OR51B6: variants seen among roughly 807,000 people sequenced by gnomAD.
The protein encoded by OR51B6 is olfactory receptor 51B6.
For missense variants in OR51B6, 502 were observed against 382.2 expected (o/e 1.31, Z -2.61); for synonymous variants, 154 against 137.3 (o/e 1.12, Z -0.85).
Position 5,351,797 on chromosome 11 carries a change from C to G in OR51B6, c.290C>G (p.Ser97Cys). The change falls in exon 1 of 1, where the codon TCT (serine) becomes TGT (cysteine). Residue 97 changes from serine to cysteine, a missense_variant. By Grantham distance (112) the Ser-to-Cys change is moderately radical. Coordinates refer to ENST00000380219, the MANE Select transcript of OR51B6 (RefSeq NM_001004750.1). ...GAGATTGGCCATGGAGCCTGCTTCT[C>G]TCAGGCCTATTTTATCCATACTCTT... is the stretch of plus-strand genomic sequence containing the variant. ...HREIGHGACF[S>C]QAYFIHTLSV... is the part of the protein sequence containing the mutation. The G allele has an allele frequency of 6.2e-7, 1 of 1,614,092 alleles. No individual in the cohort carries two copies. The highest frequency in any genetic ancestry group is 2.2e-5 in the East Asian group (1 of 44,886).
Position 5,351,595 on chromosome 11 carries a change from T to C in OR51B6, c.88T>C (p.Leu30=), listed in dbSNP as rs760483480. The C allele has an allele frequency of 6.2e-7, 1 of 1,614,162 alleles. No homozygotes were observed. Among genetic ancestry groups the C allele is most frequent in the Admixed American group, 1.7e-5 (1 of 60,002 alleles). Residue 30 remains leucine (L), a synonymous_variant, in exon 1 of 1, where the codon TTG becomes CTG. Coordinates refer to ENST00000380219, the MANE Select transcript of OR51B6 (RefSeq NM_001004750.1). ...ACATCACTGGATATTCATCCCATTA[T>C]TGGCAGCCTACATCTCCATACTTCT... ...KAHHWIFIPL[L]AAYISILLGN... is the part of the protein sequence containing the mutation.
At position 5,351,686 on chromosome 11, in the gene OR51B6, TCTTAG is replaced by T. The variant is rs1849090300; in HGVS notation, c.182_186del (p.Leu61TyrfsTer57). ...AACCTCCATGAGCCCATGTACTATT[TCTTAG>T]CTATGTTGGCAGCTACAGACCTCGG... On this transcript the variant is annotated frameshift_variant, in exon 1 of 1. Transcript: ENST00000380219. LOFTEE classifies it low-confidence loss of function (END_TRUNC). The T allele has an allele frequency of 1.2e-6, 2 of 1,614,114 alleles. No homozygotes were observed. The highest frequency in any genetic ancestry group is 8.5e-7 in the Non-Finnish European group (1 of 1,180,016).
Position 5,351,967 on chromosome 11 carries a change from A to C in OR51B6, c.460A>C (p.Ile154Leu), listed in dbSNP as rs138260730. 4 of 1,613,084 alleles carry C rather than the reference A, an allele frequency of 2.5e-6. No homozygotes were observed. In the African/African-American group the frequency reaches 5.3e-5, roughly 22 times the overall value. The change falls in exon 1 of 1, where the codon ATT becomes CTT. Residue 154 changes from isoleucine (I) to leucine (L), a missense_variant. By Grantham distance (5) the Ile-to-Leu change is conservative. Coordinates refer to ENST00000380219, the MANE Select transcript of OR51B6 (RefSeq NM_001004750.1). ...VRVLTRAGLS[I>L]MPIVVRLHWF... Reference sequence around the variant, plus strand: ...GGTATTGACAAGGGCTGGTCTGTCCATTATGCCAATAGTTGTTCGCCTACA... The same window carrying C: ...GGTATTGACAAGGGCTGGTCTGTCCCTTATGCCAATAGTTGTTCGCCTACA...
In OR51B6 at chr11:5,352,138, A is replaced by G; in HGVS notation, c.631A>G (p.Ile211Val). 2 of 1,613,946 alleles carry G rather than the reference A, an allele frequency of 1.2e-6. No individual in the cohort carries two copies. The highest frequency in any genetic ancestry group is 8.5e-7 in the Non-Finnish European group (1 of 1,179,906). The part of the protein sequence containing the change: ...LFAMVLLDFL[I>V]IFFSYILILK... ...TGCAATGGTCTTGTTGGACTTTCTCATCATCTTTTTCTCCTACATTTTGAT... is the reference window on the plus strand; with the variant it reads ...TGCAATGGTCTTGTTGGACTTTCTCGTCATCTTTTTCTCCTACATTTTGAT... The change falls in exon 1 of 1, where the codon ATC becomes GTC. Residue 211 changes from isoleucine to valine, a missense_variant. By Grantham distance (29) the Ile-to-Val change is conservative (BLOSUM62 3). Transcript: ENST00000380219.
Position 5,352,361 on chromosome 11 carries a change from T to A in OR51B6, c.854T>A (p.Met285Lys). The A allele has an allele frequency of 6.2e-7, 1 of 1,613,922 alleles. No individual in the cohort carries two copies. The highest frequency in any genetic ancestry group is 8.5e-7 in the Non-Finnish European group (1 of 1,179,834). ...ATCCACTTCCTTTTCCCACCTTTTA[T>A]GAACCCATTTATCTATAGCATTAAA... ...SYIHFLFPPF[M>K]NPFIYSIKTK... Residue 285 changes from methionine (M) to lysine (K), a missense_variant, in exon 1 of 1, where the codon ATG becomes AAG. Physicochemically the swap from Met to Lys is moderately conservative, Grantham distance 95. Transcript: ENST00000380219.
Position 5,351,710 on chromosome 11 carries a change from A to C in OR51B6, c.203A>C (p.Asp68Ala), listed in dbSNP as rs1330849840. ...TTCTTAGCTATGTTGGCAGCTACAG[A>C]CCTCGGAGTGACATTGACCACAATG... ...YYFLAMLAAT[D>A]LGVTLTTMPT... Residue 68 changes from aspartate to alanine, a missense_variant, in exon 1 of 1, where the codon GAC (aspartate) becomes GCC (alanine). Transcript: ENST00000380219. 1.2e-6 allele frequency: 2 copies of C among 1,613,960 alleles called. No individual in the cohort carries two copies. The highest frequency in any genetic ancestry group is 1.7e-5 in the Admixed American group (1 of 60,002).
At position 5,351,583 on chromosome 11, in the gene OR51B6, T is replaced by A. The variant is rs373748810; in HGVS notation, c.76T>A (p.Phe26Ile). 2 of 1,614,032 alleles carry A rather than the reference T, an allele frequency of 1.2e-6. No individual in the cohort carries two copies. Among genetic ancestry groups the A allele is most frequent in the African/African-American group, 2.7e-5 (2 of 74,944 alleles). The change falls in exon 1 of 1, where the codon TTC becomes ATC. Residue 26 changes from phenylalanine to isoleucine, a missense_variant. Physicochemically the swap from Phe to Ile is conservative, Grantham distance 21. Transcript: ENST00000380219. ...CATGGAGAAGGCACATCACTGGATA[T>A]TCATCCCATTATTGGCAGCCTACAT... ...PGMEKAHHWI[F>I]IPLLAAYISI... is the part of the protein sequence containing the mutation.
Position 5,352,187 on chromosome 11 carries a change from G to C in OR51B6, c.680G>C (p.Gly227Ala). Residue 227 changes from glycine to alanine, a missense_variant, in exon 1 of 1, where the codon GGT (glycine) becomes GCT (alanine). Transcript: ENST00000380219. ...ILILKTVMGI[G>A]SGGERAKALN... is the part of the protein sequence containing the mutation. ...ATTCTCAAGACTGTCATGGGCATTG[G>C]TTCTGGAGGAGAAAGGGCCAAGGCC... 1.2e-6 allele frequency: 2 copies of C among 1,614,114 alleles called. No individual in the cohort carries two copies. The highest frequency in any genetic ancestry group is 1.7e-6 in the Non-Finnish European group (2 of 1,180,020).
At position 5,352,051 on chromosome 11, in the gene OR51B6, G is replaced by A. The variant is rs190158718; in HGVS notation, c.544G>A (p.Val182Ile). Reference protein sequence around the residue: ...LSHAFCLHQDVIKLACADITF... With the variant: ...LSHAFCLHQDIIKLACADITF... ...CCATGCTTTCTGTCTACACCAAGAT[G>A]TCATCAAGCTAGCCTGTGCTGACAT... The change falls in exon 1 of 1, where the codon GTC becomes ATC. Residue 182 changes from valine to isoleucine, a missense_variant. Transcript: ENST00000380219. 4.3e-6 allele frequency: 7 copies of A among 1,614,016 alleles called. No individual in the cohort carries two copies. The highest frequency in any genetic ancestry group is 1.7e-5 in the Admixed American group (1 of 60,026).
chr11:5,352,043 A>G lies in OR51B6; in HGVS notation c.536A>G (p.His179Arg). 6.2e-7 allele frequency: 1 copy of G among 1,614,014 alleles called. No homozygotes were observed. ...SHVLSHAFCL[H>R]QDVIKLACAD... ...GTACTCTCCCATGCTTTCTGTCTACACCAAGATGTCATCAAGCTAGCCTGT... is the reference window on the plus strand; with the variant it reads ...GTACTCTCCCATGCTTTCTGTCTACGCCAAGATGTCATCAAGCTAGCCTGT... Residue 179 changes from histidine (H) to arginine (R), a missense_variant, in exon 1 of 1, where the codon CAC becomes CGC. Transcript: ENST00000380219.
rs771965067 is a variant in OR51B6 at position 5,351,539 on chromosome 11, A to T, written c.32A>T (p.Gln11Leu). The T allele has an allele frequency of 6.2e-7, 1 of 1,613,466 alleles. No individual in the cohort carries two copies. Among genetic ancestry groups the T allele is most frequent in the Non-Finnish European group, 8.5e-7 (1 of 1,179,738 alleles). MGLNKSASTFQLTGFPGMEKA... is the reference protein window; with the variant it reads MGLNKSASTFLLTGFPGMEKA... ...CTCAATAAGTCTGCTTCCACCTTCC[A>T]GCTTACTGGCTTCCCAGGCATGGAG... Residue 11 changes from glutamine (Q) to leucine (L), a missense_variant, in exon 1 of 1, where the codon CAG becomes CTG. Gln to Leu is a moderately radical substitution (Grantham distance 113, BLOSUM62 -2). Coordinates refer to ENST00000380219, the MANE Select transcript of OR51B6 (RefSeq NM_001004750.1).
chr11:5,352,362 G>A lies in OR51B6; in HGVS notation c.855G>A (p.Met285Ile), dbSNP rs267602948. 6.2e-7 allele frequency: 1 copy of A among 1,613,746 alleles called. No individual in the cohort carries two copies. Among genetic ancestry groups the A allele is most frequent in the Non-Finnish European group, 8.5e-7 (1 of 1,179,780 alleles). ...SYIHFLFPPF[M>I]NPFIYSIKTK... The stretch of plus-strand genomic sequence containing the variant: ...TCCACTTCCTTTTCCCACCTTTTAT[G>A]AACCCATTTATCTATAGCATTAAAA... The change falls in exon 1 of 1, where the codon ATG becomes ATA. Residue 285 changes from methionine (M) to isoleucine (I), a missense_variant. Physicochemically the swap from Met to Ile is conservative, Grantham distance 10. Transcript: ENST00000380219.
Position 5,352,267 on chromosome 11 carries a change from G to A in OR51B6, c.760G>A (p.Val254Ile). The change falls in exon 1 of 1, where the codon GTT (valine) becomes ATT (isoleucine). Residue 254 changes from valine (V) to isoleucine (I), a missense_variant. Transcript: ENST00000380219. The part of the protein sequence containing the change: ...CCILVFYVTV[V>I]CLTFIHRFGK... ...CATCCTGGTCTTCTATGTCACTGTA[G>A]TTTGTCTGACATTTATTCATAGGTT... The A allele has an allele frequency of 6.2e-7, 1 of 1,614,084 alleles. No individual in the cohort carries two copies. The highest frequency in any genetic ancestry group is 8.5e-7 in the Non-Finnish European group (1 of 1,179,990).
rs756703454 is a variant in OR51B6, at chr11:5,351,635, T to C, written c.128T>C (p.Leu43Pro). Residue 43 changes from leucine to proline, a missense_variant, in exon 1 of 1, where the codon CTT (leucine) becomes CCT (proline). Leu to Pro is a moderately conservative substitution (Grantham distance 98). Transcript: ENST00000380219. ...YISILLGNGT[L>P]LFLIRNDHNL... Reference sequence around the variant, plus strand: ...TCCATACTTCTTGGCAATGGCACTCTTCTCTTTCTCATCAGGAATGATCAT... The same window carrying C: ...TCCATACTTCTTGGCAATGGCACTCCTCTCTTTCTCATCAGGAATGATCAT... 5 of 1,614,128 alleles carry C rather than the reference T, an allele frequency of 3.1e-6. No individual in the cohort carries two copies. The highest frequency in any genetic ancestry group is 1.1e-5 in the South Asian group (1 of 91,086).
chr11:5,352,296 A>G lies in OR51B6; in HGVS notation c.789A>G (p.Gly263=), dbSNP rs1849108205. 6.2e-7 allele frequency: 1 copy of G among 1,614,182 alleles called. No homozygotes were observed. Among genetic ancestry groups the G allele is most frequent in the Non-Finnish European group, 8.5e-7 (1 of 1,180,004 alleles). Residue 263 remains glycine (G), a synonymous_variant, in exon 1 of 1, where the codon GGA becomes GGG. Coordinates refer to ENST00000380219, the MANE Select transcript of OR51B6 (RefSeq NM_001004750.1). ...GTCTGACATTTATTCATAGGTTTGG[A>G]AAGCATGTTCCTCATGTCGTTCACA... ...VVCLTFIHRF[G]KHVPHVVHIT...
chr11:5,351,607 A>AT lies in OR51B6; in HGVS notation c.101dup (p.Ser35LeufsTer16), dbSNP rs1849088688. On this transcript the variant is annotated frameshift_variant, in exon 1 of 1. Coordinates refer to ENST00000380219, the MANE Select transcript of OR51B6 (RefSeq NM_001004750.1). LOFTEE classifies it low-confidence loss of function (END_TRUNC). ...ATTCATCCCATTATTGGCAGCCTAC[A>AT]TCTCCATACTTCTTGGCAATGGCAC... 2 of 1,614,008 alleles carry AT rather than the reference A, an allele frequency of 1.2e-6. No homozygotes were observed. The highest frequency in any genetic ancestry group is 2.2e-5 in the East Asian group (1 of 44,892).
In OR51B6 at chr11:5,351,895, TATACCTCTATCCTGACCAA is replaced by T; in HGVS notation, c.389_407del (p.Tyr130SerfsTer4). 1 of 1,613,172 alleles carries T rather than the reference TATACCTCTATCCTGACCAA, an allele frequency of 6.2e-7. No individual in the cohort carries two copies. The highest frequency in any genetic ancestry group is 8.5e-7 in the Non-Finnish European group (1 of 1,179,188). ...CATTACCATCCGCAGCCCCTTAAGATATACCTCTATCCTGACCAACACCCAGGTAATGAAGATTGGTGTG... is the reference window on the plus strand; with the variant it reads ...CATTACCATCCGCAGCCCCTTAAGATCACCCAGGTAATGAAGATTGGTGTG... On this transcript the variant is annotated frameshift_variant, in exon 1 of 1. Coordinates refer to ENST00000380219, the MANE Select transcript of OR51B6 (RefSeq NM_001004750.1). LOFTEE classifies it low-confidence loss of function (END_TRUNC).
rs1424929607 is a variant in OR51B6 at position 5,351,700 on chromosome 11, G to A, written c.193G>A (p.Ala65Thr). The A allele has an allele frequency of 6.2e-7, 1 of 1,613,890 alleles. No homozygotes were observed. The highest frequency in any genetic ancestry group is 8.5e-7 in the Non-Finnish European group (1 of 1,179,992). Reference sequence around the variant, plus strand: ...CATGTACTATTTCTTAGCTATGTTGGCAGCTACAGACCTCGGAGTGACATT... The same window carrying A: ...CATGTACTATTTCTTAGCTATGTTGACAGCTACAGACCTCGGAGTGACATT... ...EPMYYFLAML[A>T]ATDLGVTLTT... Residue 65 changes from alanine (A) to threonine (T), a missense_variant, in exon 1 of 1, where the codon GCA becomes ACA. Physicochemically the swap from Ala to Thr is moderately conservative, Grantham distance 58 (BLOSUM62 0). Transcript: ENST00000380219.
rs1188254921 is a variant in OR51B6, at chr11:5,351,522, G to C, written c.15G>C (p.Lys5Asn). Reference protein sequence around the residue: MGLNKSASTFQLTGF... With the variant: MGLNNSASTFQLTGF... ...CAAAGCTGGCAATGGGGCTCAATAA[G>C]TCTGCTTCCACCTTCCAGCTTACTG... The change falls in exon 1 of 1, where the codon AAG becomes AAC. Residue 5 changes from lysine to asparagine, a missense_variant. Coordinates refer to ENST00000380219, the MANE Select transcript of OR51B6 (RefSeq NM_001004750.1). 3 of 1,611,958 alleles carry C rather than the reference G, an allele frequency of 1.9e-6. No homozygotes were observed. The highest frequency in any genetic ancestry group is 1.7e-4 in the Middle Eastern group (1 of 6,002).
Sources: allele counts gnomAD v4.1 joint callset, GRCh38; gene constraint gnomAD v4.1.1; transcripts MANE v1.5; gene names NCBI Gene and HGNC (gene_info 2026-07-23, HGNC 2026-07-21).